Variants in RAD51B observed in about 807,000 individuals in gnomAD.
The protein encoded by RAD51B is DNA repair protein RAD51 homolog 2.
A neutral mutation model predicts 42.2 loss-of-function variants in RAD51B; 38 were observed. That is an observed-to-expected ratio of 0.90 (90% confidence interval 0.70 to 1.18). The LOEUF is 1.18. Ranked by LOEUF, RAD51B falls within the 50% of genes most tolerant of loss-of-function variation. The pLI, the probability that RAD51B is intolerant of heterozygous loss-of-function variation, is 0.00. For missense variants in RAD51B, 373 were observed against 400.7 expected, an observed-to-expected ratio of 0.93 and a Z score of 0.59; for synonymous variants, 154 against 145.2, an observed-to-expected ratio of 1.06 and a Z score of -0.43.
intron 7 of RAD51B, among the ~76,000 whole-genome samples, chr14:68,201,551 C>T (rs1163201866): frequency 3.3e-5 from 5 of 152,212 alleles, no homozygotes; most frequent in African/African-American, 1.2e-4. Flanking sequence ...AGGACATAGG[C>T]TGTAGAACTA....
At chr14:68,201,156 GAA>G (rs891593036) in intron 7 of RAD51B, among the ~76,000 whole-genome samples, 16 of 152,118 alleles carry the variant, frequency 1.1e-4, no homozygotes, top group African/African-American at 3.9e-4. Context: ...TTATTTAAGA[GAA>G]AATTTTTTTC....
intron 9 of RAD51B, among the ~76,000 whole-genome samples, chr14:68,421,485 TTTG>T (rs1190555317): frequency 2.0e-5 from 3 of 152,138 alleles, no homozygotes; most frequent in South Asian, 2.1e-4. Context: ...TTCTTTCTTT[TTTG>T]TTGTTGTTAT....
In RAD51B at chr14:67,925,993, T is replaced by C. The variant is rs189499739; in HGVS notation, c.756+38789T>C. ...GCACAGGGACCCTGGGCCCAGCCCA[T>C]GAAACCACTTTTTCCTCCTAGGCCT... On this transcript the variant is annotated intron_variant, in intron 7 of 10. Coordinates refer to ENST00000471583, the MANE Select transcript of RAD51B (RefSeq NM_133510.4). Among the ~76,000 whole-genome samples the C allele has an allele frequency of 2.9e-3, 438 of 152,258 alleles. 2 individuals carry two copies. Among genetic ancestry groups the C allele is most frequent in the African/African-American group, 9.5e-3 (396 of 41,578 alleles).
intron 8 of RAD51B, among the ~76,000 whole-genome samples, chr14:68,376,832 C>T (rs2083379624): frequency 6.6e-6 from 1 of 152,144 alleles, no homozygotes; most frequent in South Asian, 2.1e-4. Context: ...ACAATGAGTA[C>T]ATTATACAAG....
At chr14:68,549,881 C>T (rs1282292231) in intron 10 of RAD51B, among the ~76,000 whole-genome samples, 1 of 152,188 alleles carries the variant, frequency 6.6e-6, no homozygotes, top group East Asian at 1.9e-4. Context: ...TACAAGGCAG[C>T]CTCTTAAAAC....
chr14:67,913,198 C>A (rs914094208), intron 7 of RAD51B, among the ~76,000 whole-genome samples: 1 of 152,152 alleles, frequency 6.6e-6, no homozygotes, highest in African/African-American at 2.4e-5. Context: ...CTGCTGTCAC[C>A]CTAGTTTTAC....
At chr14:68,206,955 A>C (rs983129152) in intron 7 of RAD51B, among the ~76,000 whole-genome samples, 1 of 151,966 alleles carries the variant, frequency 6.6e-6, no homozygotes, top group Non-Finnish European at 1.5e-5. Flanking sequence ...GCGCCCGGCT[A>C]ATTTTTTTAT....
At chr14:68,578,168 G>A (rs1420749520) in intron 10 of RAD51B, among the ~76,000 whole-genome samples, 1 of 152,250 alleles carries the variant, frequency 6.6e-6, no homozygotes, top group Non-Finnish European at 1.5e-5. Context: ...GCTCATGCCT[G>A]TAATATCAGC....
intron 10 of RAD51B, among the ~76,000 whole-genome samples, chr14:68,617,374 C>G (rs1271831713): frequency 6.6e-6 from 1 of 152,200 alleles, no homozygotes; most frequent in Non-Finnish European, 1.5e-5. Context: ...CCCAGCTGAT[C>G]AAGCTGGTTG....
At chr14:68,021,748 A>G (rs2075870632) in intron 7 of RAD51B, among the ~76,000 whole-genome samples, 1 of 152,218 alleles carries the variant, frequency 6.6e-6, no homozygotes, top group Admixed American at 6.5e-5. Flanking sequence ...CCTAATGCAT[A>G]TAAAACTTAT....
chr14:68,364,198 G>T (rs2083092309), intron 8 of RAD51B, among the ~76,000 whole-genome samples: 1 of 151,746 alleles, frequency 6.6e-6, no homozygotes, highest in African/African-American at 2.4e-5. Flanking sequence ...TCTGATCCCT[G>T]ACTACCCTCT....
chr14:68,633,704 A>G (rs542386812), intron 10 of RAD51B, among the ~76,000 whole-genome samples: 53 of 152,378 alleles, frequency 3.5e-4, no homozygotes, highest in African/African-American at 1.2e-3. Context: ...GCGATCCTGA[A>G]GCAGGGAAGC....
chr14:68,439,851 A>G (rs1442740560), intron 9 of RAD51B, among the ~76,000 whole-genome samples: 2 of 152,192 alleles, frequency 1.3e-5, no homozygotes, highest in African/African-American at 2.4e-5. Context: ...GTGTGTTGAA[A>G]TGTTCCAGGG....
In RAD51B at chr14:68,515,033, T is replaced by A. The variant is rs561058022; in HGVS notation, c.1036+46783T>A. The stretch of plus-strand genomic sequence containing the variant: ...GAAAACCTCTGCTCCTGGGGAGGTG[T>A]GCCTGGGAGCTGCAGAGAGCAGGTG... On this transcript the variant is annotated intron_variant, in intron 10 of 10. Transcript: ENST00000487270. Among the ~76,000 whole-genome samples, 228 of 152,296 alleles carry A rather than the reference T, an allele frequency of 1.5e-3. 1 individual carries two copies. The highest frequency in any genetic ancestry group is 0.014 in the Middle Eastern group (4 of 294).
rs7150698 is a variant in RAD51B, at chr14:68,268,431, T to C, written c.757-23453T>C. ...GAAACTGGTGGTGGGTTGGAAGAGA[T>C]TGAGTTTGCTGAAGTGGATTCTGCC... is the stretch of plus-strand genomic sequence containing the variant. On this transcript the variant is annotated intron_variant, in intron 7 of 10. Coordinates refer to ENST00000471583, the MANE Select transcript of RAD51B (RefSeq NM_133510.4). Among the ~76,000 whole-genome samples the C allele has an allele frequency of 3.0e-3, 463 of 152,294 alleles. 2 individuals are homozygous for C. The highest frequency in any genetic ancestry group is 0.011 in the African/African-American group (444 of 41,568).
chr14:68,658,435 G>A (rs1323097180), intron 11 of RAD51B, among the ~76,000 whole-genome samples: 1 of 152,260 alleles, frequency 6.6e-6, no homozygotes, highest in African/African-American at 2.4e-5. Flanking sequence ...TGGCCAGGCA[G>A]GAGAGCTGGC....
chr14:68,610,412 T>C (rs1891630994), intron 10 of RAD51B, among the ~76,000 whole-genome samples: 1 of 152,240 alleles, frequency 6.6e-6, no homozygotes, highest in Non-Finnish European at 1.5e-5. Context: ...CTCCCTGTCC[T>C]TGGACACAGA....
chr14:68,507,570 G>T (rs1885423698), intron 10 of RAD51B, among the ~76,000 whole-genome samples: 1 of 152,154 alleles, frequency 6.6e-6, no homozygotes, highest in South Asian at 2.1e-4. Context: ...ACCTCAATAT[G>T]AGAAGAAACT....
At position 67,871,184 on chromosome 14, in the gene RAD51B, C is replaced by T. The variant is rs1000342068; in HGVS notation, c.452+6045C>T. ...GAAAGGATCAGCAAAATTGATAGACCGCTAGCAAGACTAATAAAGAAAAAA... is the reference window on the plus strand; with the variant it reads ...GAAAGGATCAGCAAAATTGATAGACTGCTAGCAAGACTAATAAAGAAAAAA... On this transcript the variant is annotated intron_variant, in intron 5 of 10. Coordinates refer to ENST00000471583, the MANE Select transcript of RAD51B (RefSeq NM_133510.4). Among the ~76,000 whole-genome samples the T allele has an allele frequency of 1.7e-4, 26 of 151,882 alleles. 1 individual carries two copies. The East Asian group carries it at 1.9e-3, about 11-fold the overall frequency.
Sources: allele counts gnomAD v4.1 joint callset (sites outside exome capture counted in the v4.1 genomes callset), GRCh38; gene constraint gnomAD v4.1.1; transcripts MANE v1.5; gene names NCBI Gene and HGNC (gene_info 2026-07-23, HGNC 2026-07-21).